The following TBC1D22A variants were observed in gnomAD, a reference collection of about 807,000 sequenced individuals.
TBC1D22A encodes TBC1 domain family member 22A.
TBC1D22A carries 38 observed loss-of-function variants against 60.2 expected under a neutral mutation model. That is an observed-to-expected ratio of 0.63 (90% CI 0.49 to 0.83). The LOEUF is 0.83. TBC1D22A is among the 40% of genes least tolerant of loss of function. The pLI, the probability that TBC1D22A is intolerant of heterozygous loss-of-function variation, is 0.00. For missense variants in TBC1D22A, 628 were observed against 701.0 expected, an observed-to-expected ratio of 0.90 and a Z score of 1.18; for synonymous variants, 302 against 281.7, an observed-to-expected ratio of 1.07 and a Z score of -0.72.
At chr22:47,081,028 G>A (rs1346246407) in intron 11 of TBC1D22A, among the ~76,000 whole-genome samples, 1 of 150,044 alleles carries the variant, frequency 6.7e-6, no homozygotes, top group South Asian at 2.1e-4. Flanking sequence ...GCTGAGGCAG[G>A]AGAATTGCTT....
chr22:47,094,016 G>A (rs193255304), intron 11 of TBC1D22A, among the ~76,000 whole-genome samples: 1 of 152,300 alleles, frequency 6.6e-6, no homozygotes, highest in Non-Finnish European at 1.5e-5. Context: ...GAAAAGTAAT[G>A]ATGTATGGGA....
intron 4 of TBC1D22A, among the ~76,000 whole-genome samples, chr22:46,839,261 TATG>T (rs2086648604): frequency 1.5e-5 from 2 of 135,426 alleles, no homozygotes; most frequent in Non-Finnish European, 3.3e-5. Context: ...AAGAATGAAA[TATG>T]ATACTTTGGT....
At chr22:47,097,801 T>C (rs2065242819) in intron 11 of TBC1D22A, among the ~76,000 whole-genome samples, 1 of 152,208 alleles carries the variant, frequency 6.6e-6, no homozygotes, top group East Asian at 1.9e-4. Flanking sequence ...TTGTGTAATA[T>C]ATTCCTGTGT....
intron 10 of TBC1D22A, among the ~76,000 whole-genome samples, chr22:47,032,986 C>G (rs1416336132): frequency 6.6e-6 from 1 of 152,266 alleles, no homozygotes; most frequent in African/African-American, 2.4e-5. Flanking sequence ...CTGGGGCTGT[C>G]GCTGTCGTCC....
At chr22:47,084,340 G>A (rs2064594199) in intron 11 of TBC1D22A, among the ~76,000 whole-genome samples, 2 of 152,218 alleles carry the variant, frequency 1.3e-5, no homozygotes, top group Non-Finnish European at 2.9e-5. Context: ...TTCTCCAGGG[G>A]TGACGACTGG....
intron 4 of TBC1D22A, among the ~76,000 whole-genome samples, chr22:46,874,391 A>C (rs758607359): frequency 6.6e-6 from 1 of 151,426 alleles, no homozygotes; most frequent in Non-Finnish European, 1.5e-5. Flanking sequence ...TCTAATTTAC[A>C]CTCCCACAGA....
At chr22:47,111,949 G>A (rs919401872) in intron 12 of TBC1D22A, among the ~76,000 whole-genome samples, 9 of 152,334 alleles carry the variant, frequency 5.9e-5, no homozygotes, top group African/African-American at 1.7e-4. Flanking sequence ...TTTACAGCAC[G>A]TGGACTGTGA....
At chr22:47,100,308 G>C (rs936821036) in intron 11 of TBC1D22A, among the ~76,000 whole-genome samples, 3 of 151,964 alleles carry the variant, frequency 2.0e-5, no homozygotes, top group Non-Finnish European at 4.4e-5. Context: ...GGTGAGGCAT[G>C]GGGAATAGGA....
intron 8 of TBC1D22A, among the ~76,000 whole-genome samples, chr22:46,949,587 G>C (rs1353258046): frequency 1.3e-5 from 2 of 152,208 alleles, no homozygotes; most frequent in Admixed American, 1.3e-4. Context: ...GCTTCAGATG[G>C]AAGCGTCTGA....
chr22:46,968,878 T>A (rs2073937028), intron 8 of TBC1D22A, among the ~76,000 whole-genome samples: 1 of 152,206 alleles, frequency 6.6e-6, no homozygotes. Context: ...ATCCTCCATT[T>A]CAAAAACTTA....
intron 11 of TBC1D22A, among the ~76,000 whole-genome samples, chr22:47,097,188 A>C (rs2065220552): frequency 1.5e-5 from 1 of 66,470 alleles, no homozygotes; most frequent in South Asian, 6.4e-4. Flanking sequence ...GCTGTCTGAT[A>C]CAGTCTTCAC....
At chr22:46,961,781 G>A (rs1055511012) in intron 8 of TBC1D22A, among the ~76,000 whole-genome samples, 3 of 152,220 alleles carry the variant, frequency 2.0e-5, no homozygotes, top group Admixed American at 2.0e-4. Context: ...GCAGCACAGA[G>A]GAACTCGGTC....
At chr22:46,967,420 A>G (rs976063143) in intron 8 of TBC1D22A, among the ~76,000 whole-genome samples, 3 of 152,262 alleles carry the variant, frequency 2.0e-5, no homozygotes, top group Non-Finnish European at 4.4e-5. Context: ...GATTAGATCC[A>G]TAGAGCAATT....
Position 47,161,829 on chromosome 22 carries a change from C to T in TBC1D22A, c.1426-11669C>T, listed in dbSNP as rs73889452. ...CTAGCGTCCGCGAATACCCAGGGGCCCTTCGAGCATCCTCAGCTGTTGCCC... is the reference window on the plus strand; with the variant it reads ...CTAGCGTCCGCGAATACCCAGGGGCTCTTCGAGCATCCTCAGCTGTTGCCC... On this transcript the variant is annotated intron_variant, in intron 12 of 12. Transcript: ENST00000337137. 8.6e-3 allele frequency among the ~76,000 whole-genome samples: 1,303 copies of T among 152,318 alleles called. 20 individuals carry two copies. The highest frequency in any genetic ancestry group is 0.03 in the African/African-American group (1,244 of 41,554).
At chr22:46,832,919 G>C (rs995800178) in intron 4 of TBC1D22A, among the ~76,000 whole-genome samples, 1 of 152,146 alleles carries the variant, frequency 6.6e-6, no homozygotes, top group Admixed American at 6.5e-5. Context: ...ACAGGGAAGG[G>C]CGGATGGTGT....
At chr22:47,116,899 C>G (rs980541270) in intron 12 of TBC1D22A, 1 of 152,382 alleles carries the variant, frequency 6.6e-6, no homozygotes, top group Non-Finnish European at 1.5e-5. Flanking sequence ...CCCCTGGAAC[C>G]CTCGCCCTGA....
chr22:46,921,273 T>TATA (rs577102633), intron 8 of TBC1D22A, among the ~76,000 whole-genome samples: 72 of 152,272 alleles, frequency 4.7e-4, no homozygotes, highest in African/African-American at 1.6e-3. Flanking sequence ...TGGTGTCTAT[T>TATA]GTTTGCTTCT....
At chr22:46,942,817 A>G (rs1447046560) in intron 8 of TBC1D22A, among the ~76,000 whole-genome samples, 1 of 152,220 alleles carries the variant, frequency 6.6e-6, no homozygotes, top group Non-Finnish European at 1.5e-5. Flanking sequence ...CAATTTAATT[A>G]CTTATGAAAC....
intron 8 of TBC1D22A, among the ~76,000 whole-genome samples, chr22:46,921,022 C>T (rs567657232): frequency 1.4e-4 from 22 of 151,936 alleles, no homozygotes; most frequent in African/African-American, 3.6e-4. Flanking sequence ...CCACCCACCT[C>T]GGCCTCCCAA....
Sources: allele counts gnomAD v4.1 joint callset (sites outside exome capture counted in the v4.1 genomes callset), GRCh38; gene constraint gnomAD v4.1.1; transcripts MANE v1.5; gene names NCBI Gene and HGNC (gene_info 2026-07-23, HGNC 2026-07-21).